Variants in PITPNC1 observed in about 807,000 individuals in gnomAD.
PITPNC1 encodes cytoplasmic phosphatidylinositol transfer protein 1.
PITPNC1 carries 18 observed loss-of-function variants against 44.7 expected under a neutral mutation model. That is an observed-to-expected ratio of 0.40 (90% CI 0.28 to 0.60). The LOEUF (loss-of-function observed/expected upper bound fraction) is 0.60, where lower values mean the gene tolerates loss of function less well. Ranked by LOEUF, PITPNC1 falls within the 20% of genes least tolerant of loss-of-function variation. The probability of loss-of-function intolerance (pLI) is 0.39; values close to 1 mark genes in which losing one functional copy is unlikely to be tolerated. For synonymous variants in PITPNC1, 141 were observed against 149.6 expected, an observed-to-expected ratio of 0.94 and a Z score of 0.42; for missense variants, 290 against 418.4, an observed-to-expected ratio of 0.69 and a Z score of 2.68.
At chr17:67,458,180 C>G (rs1249329458) in intron 1 of PITPNC1, among the ~76,000 whole-genome samples, 1 of 152,176 alleles carries the variant, frequency 6.6e-6, no homozygotes, top group Non-Finnish European at 1.5e-5. Flanking sequence ...TCTGAAGGCT[C>G]TCCCTGCCTC....
chr17:67,652,947 A>T (rs2042225365), intron 6 of PITPNC1, among the ~76,000 whole-genome samples: 1 of 152,078 alleles, frequency 6.6e-6, no homozygotes, highest in African/African-American at 2.4e-5. Context: ...TGAGATCATT[A>T]GGGGGACCCT....
chr17:67,529,167 C>A (rs2040428974), intron 1 of PITPNC1, among the ~76,000 whole-genome samples: 1 of 152,206 alleles, frequency 6.6e-6, no homozygotes, highest in Non-Finnish European at 1.5e-5. Context: ...GGCCGCCCAG[C>A]CCTCCACCGG....
chr17:67,670,165 T>C (rs1463183641), intron 7 of PITPNC1, among the ~76,000 whole-genome samples: 2 of 152,226 alleles, frequency 1.3e-5, no homozygotes, highest in African/African-American at 4.8e-5. Flanking sequence ...TTTCTTCCAC[T>C]AATAGATGTT....
At chr17:67,455,583 C>T (rs141880538) in intron 1 of PITPNC1, among the ~76,000 whole-genome samples, 1 of 149,732 alleles carries the variant, frequency 6.7e-6, no homozygotes, top group Non-Finnish European at 1.5e-5. Flanking sequence ...CCATGCCCAG[C>T]TAGTTTTTTT....
intron 6 of PITPNC1, among the ~76,000 whole-genome samples, chr17:67,664,586 C>T (rs1264787650): frequency 6.6e-6 from 1 of 152,062 alleles, no homozygotes. Context: ...TCATGTTTCT[C>T]GGCGACCTGT....
chr17:67,627,588 G>A (rs1333741337), intron 5 of PITPNC1, among the ~76,000 whole-genome samples: 3 of 152,196 alleles, frequency 2.0e-5, no homozygotes, highest in Admixed American at 1.3e-4. Context: ...TTAAGTAGCA[G>A]GAGACTCAGA....
chr17:67,380,144 G>A (rs533188579), intron 1 of PITPNC1, among the ~76,000 whole-genome samples: 5 of 150,624 alleles, frequency 3.3e-5, no homozygotes, highest in South Asian at 4.2e-4. Context: ...GCGAGATCTC[G>A]GCTCACTGCA....
intron 1 of PITPNC1, among the ~76,000 whole-genome samples, chr17:67,503,735 G>A (rs560727447): frequency 1.1e-4 from 17 of 152,202 alleles, no homozygotes; most frequent in South Asian, 8.3e-4. Flanking sequence ...GATTTTTAGG[G>A]AATTTGATGG....
chr17:67,473,592 C>T (rs1475325523), intron 1 of PITPNC1, among the ~76,000 whole-genome samples: 6 of 152,046 alleles, frequency 3.9e-5, no homozygotes, highest in Admixed American at 2.6e-4. Context: ...TGTGAGCCAC[C>T]GCCCCCGGCC....
intron 1 of PITPNC1, among the ~76,000 whole-genome samples, chr17:67,448,968 T>C (rs1233457207): frequency 1.3e-5 from 2 of 152,322 alleles, no homozygotes; most frequent in East Asian, 3.9e-4. Context: ...GGTTTTGCCA[T>C]GTTGGCCGAA....
At chr17:67,595,060 T>C (rs894359765) in intron 5 of PITPNC1, among the ~76,000 whole-genome samples, 3 of 152,232 alleles carry the variant, frequency 2.0e-5, no homozygotes, top group Non-Finnish European at 2.9e-5. Context: ...GGTGGTATAG[T>C]TGGTGGCATC....
At chr17:67,678,599 T>G (rs1487691637) in intron 8 of PITPNC1, among the ~76,000 whole-genome samples, 1 of 152,238 alleles carries the variant, frequency 6.6e-6, no homozygotes, top group East Asian at 1.9e-4. Flanking sequence ...ACAGCTGAGC[T>G]GCTGACCAGG....
At chr17:67,595,442 T>C (rs1372150404) in intron 5 of PITPNC1, among the ~76,000 whole-genome samples, 1 of 151,924 alleles carries the variant, frequency 6.6e-6, no homozygotes, top group Non-Finnish European at 1.5e-5. Context: ...AAGTCTCAGC[T>C]AGTATTTTAG....
At chr17:67,427,360 G>A (rs7217487) in intron 1 of PITPNC1, among the ~76,000 whole-genome samples, 33,342 of 151,864 alleles carry the variant, frequency 0.22, 3,816 homozygotes, top group South Asian at 0.33. Context: ...ACAGGCGCCC[G>A]CAACCACGCC....
intron 1 of PITPNC1, among the ~76,000 whole-genome samples, chr17:67,446,354 C>T (rs1034739376): frequency 2.6e-5 from 4 of 151,350 alleles, no homozygotes; most frequent in African/African-American, 9.7e-5. Context: ...AATTAAGGTA[C>T]AACCGATTCT....
At chr17:67,646,333 G>C (rs144690407) in intron 6 of PITPNC1, among the ~76,000 whole-genome samples, 1 of 152,266 alleles carries the variant, frequency 6.6e-6, no homozygotes, top group East Asian at 1.9e-4. Context: ...AAATACAACT[G>C]TTCAGCTTCT....
At chr17:67,671,841 T>C (rs2144404702) in intron 7 of PITPNC1, among the ~76,000 whole-genome samples, 1 of 152,318 alleles carries the variant, frequency 6.6e-6, no homozygotes, top group South Asian at 2.1e-4. Context: ...TAAGGCAGTG[T>C]CTTCCTTGGT....
intron 1 of PITPNC1, among the ~76,000 whole-genome samples, chr17:67,434,347 G>C (rs2038901329): frequency 6.6e-6 from 1 of 152,168 alleles, no homozygotes; most frequent in East Asian, 1.9e-4. Context: ...ATTTACACAT[G>C]GTGTTGCCAC....
chr17:67,587,162 A>G (rs1220850729), intron 5 of PITPNC1, among the ~76,000 whole-genome samples: 3 of 152,106 alleles, frequency 2.0e-5, no homozygotes, highest in African/African-American at 2.4e-5. Context: ...TCAGATACCA[A>G]TGAGACTGCC....
Sources: allele counts gnomAD v4.1 joint callset (sites outside exome capture counted in the v4.1 genomes callset), GRCh38; gene constraint gnomAD v4.1.1; transcripts MANE v1.5; gene names NCBI Gene and HGNC (gene_info 2026-07-23, HGNC 2026-07-21).